Variants in CUBN observed in about 807,000 individuals in gnomAD.
The protein encoded by CUBN is cubilin.
Under a neutral mutation model 405.3 loss-of-function variants are expected in CUBN, and 282 were observed. The observed-to-expected ratio is 0.70, with a 90% CI of 0.63 to 0.77. CUBN has a LOEUF of 0.77. Ranked by LOEUF, CUBN falls within the 30% of genes least tolerant of loss-of-function variation. The pLI is 0.00. For missense variants in CUBN, 4,514 were observed against 4,475.2 expected (o/e 1.01, Z -0.25); for synonymous variants, 1,684 against 1,617.0 (o/e 1.04, Z -0.99).
intron 2 of CUBN, among the ~76,000 whole-genome samples, chr10:17,128,686 G>A (rs961183616): frequency 4.6e-5 from 7 of 152,060 alleles, no homozygotes; most frequent in African/African-American, 1.7e-4. Flanking sequence ...CCAGGCCATC[G>A]TCCTTTACAA....
intron 22 of CUBN, among the ~76,000 whole-genome samples, chr10:17,065,205 G>A (rs1027076632): frequency 6.9e-6 from 1 of 145,650 alleles, no homozygotes; most frequent in Admixed American, 7.0e-5. Flanking sequence ...AGAGTACTTT[G>A]GAGACATTAT....
chr10:16,902,349 T>C (rs1841422248), intron 51 of CUBN, among the ~76,000 whole-genome samples: 1 of 145,648 alleles, frequency 6.9e-6, no homozygotes, highest in African/African-American at 2.5e-5. Flanking sequence ...TTTTTTTGTG[T>C]ATGTATATTT....
intron 31 of CUBN, among the ~76,000 whole-genome samples, chr10:16,954,981 A>C (rs1007105147): frequency 6.6e-6 from 1 of 152,220 alleles, no homozygotes; most frequent in Non-Finnish European, 1.5e-5. Flanking sequence ...TTTGTTCTTC[A>C]TAAGTTTCGT....
intron 56 of CUBN, among the ~76,000 whole-genome samples, chr10:16,878,962 C>T (rs933489925): frequency 2.6e-5 from 4 of 152,168 alleles, no homozygotes; most frequent in African/African-American, 9.7e-5. Context: ...ATCTATTCAT[C>T]AGTTGACAGA....
intron 59 of CUBN, among the ~76,000 whole-genome samples, chr10:16,863,293 G>A (rs966005806): frequency 6.6e-6 from 1 of 152,104 alleles, no homozygotes; most frequent in Non-Finnish European, 1.5e-5. Context: ...AGCTTAGTTG[G>A]GTTTTTCTTT....
At chr10:16,983,237 C>T (rs1564461313) in intron 30 of CUBN, among the ~76,000 whole-genome samples, 1 of 152,042 alleles carries the variant, frequency 6.6e-6, no homozygotes, top group Non-Finnish European at 1.5e-5. Context: ...AATGGAGAAT[C>T]ATTCAGGGGT....
chr10:17,010,693 C>A (rs1489144539), intron 28 of CUBN, among the ~76,000 whole-genome samples: 1 of 152,090 alleles, frequency 6.6e-6, no homozygotes, highest in Non-Finnish European at 1.5e-5. Flanking sequence ...AGAGGAAGGT[C>A]CAGAACTTCT....
intron 25 of CUBN, among the ~76,000 whole-genome samples, chr10:17,044,612 A>T (rs1303566128): frequency 2.0e-5 from 3 of 152,180 alleles, no homozygotes; most frequent in Non-Finnish European, 4.4e-5. Context: ...CAAATGAACA[A>T]TGGTGAATTG....
At chr10:16,863,576 G>T (rs1163699554) in intron 59 of CUBN, among the ~76,000 whole-genome samples, 1 of 152,056 alleles carries the variant, frequency 6.6e-6, no homozygotes, top group African/African-American at 2.4e-5. Context: ...TATTTTTTAT[G>T]CCATTGAATT....
In CUBN at chr10:16,876,946, G is replaced by A; in HGVS notation, c.9057C>T (p.Ser3019=). Reference sequence around the variant, plus strand: ...ATCCGAAGTCTGTGATTTGCTCGTTGGAGTAGAAGTTAAGCAGAACCGGCC... The same window carrying A: ...ATCCGAAGTCTGTGATTTGCTCGTTAGAGTAGAAGTTAAGCAGAACCGGCC... ...IAGPVLLNFY[S]NEQITDFGFK... Residue 3019 remains serine, a synonymous_variant, in exon 57 of 67, where the codon TCC becomes TCT. Transcript: ENST00000377833. 2 of 1,614,184 alleles carry A rather than the reference G, an allele frequency of 1.2e-6. No homozygotes were observed. The highest frequency in any genetic ancestry group is 1.7e-6 in the Non-Finnish European group (2 of 1,180,030).
chr10:17,054,654 A>G (rs1588614404), intron 22 of CUBN, among the ~76,000 whole-genome samples: 1 of 152,176 alleles, frequency 6.6e-6, no homozygotes, highest in East Asian at 1.9e-4. Context: ...TAGAATCTTC[A>G]GACATTAAAA....
intron 48 of CUBN, among the ~76,000 whole-genome samples, chr10:16,911,729 TC>T (rs925042979): frequency 7.2e-5 from 11 of 152,200 alleles, no homozygotes; most frequent in African/African-American, 2.7e-4. Context: ...GAAAATAATT[TC>T]AAAGGTAAAA....
rs553279297 is a variant in CUBN at position 16,976,570 on chromosome 10, A to AT, written c.4695+5913dup. Among the ~76,000 whole-genome samples the AT allele has an allele frequency of 6.9e-3, 1,046 of 150,964 alleles. 7 individuals are homozygous for AT. Among genetic ancestry groups the AT allele is most frequent in the South Asian group, 0.013 (63 of 4,788 alleles). On this transcript the variant is annotated intron_variant, in intron 31 of 66. Transcript: ENST00000377833. ...TGCTGTTTGGGTTCCTTGAGATTCT[A>AT]TTTTTTTAATGATGACTTCCACCAG... is the stretch of plus-strand genomic sequence containing the variant.
intron 60 of CUBN, among the ~76,000 whole-genome samples, chr10:16,850,659 A>T (rs111959869): frequency 6.6e-6 from 1 of 151,970 alleles, no homozygotes; most frequent in African/African-American, 2.4e-5. Context: ...CTTTAGTAGA[A>T]ACAGGGTTTC....
intron 58 of CUBN, among the ~76,000 whole-genome samples, chr10:16,872,064 A>AATAT (rs61318193): frequency 0.018 from 2,668 of 150,144 alleles, 90 homozygotes; most frequent in African/African-American, 0.061. Flanking sequence ...ATCTCTACTA[A>AATAT]ATATATATAT....
At position 17,046,067 on chromosome 10, in the gene CUBN, C is replaced by A. The variant is rs1336925264; in HGVS notation, c.3357G>T (p.Leu1119Phe). ...IRDGGYEKSP[L>F]LGIFYGSNLP... ...GATTTGAGCCATAGAATATTCCCAG[C>A]AATGGTGATTTTTCATAGCCTCCAT... The change falls in exon 24 of 67, where the codon TTG becomes TTT. Residue 1119 changes from leucine (L) to phenylalanine (F), a missense_variant. Leu to Phe is a conservative substitution (Grantham distance 22). Around this residue, in one of 5 missense-constraint regions of CUBN, gnomAD observed 1,448 missense variants for 1,388.0 expected, o/e 1.04. Transcript: ENST00000377833. The A allele has an allele frequency of 1.2e-6, 2 of 1,613,596 alleles. No homozygotes were observed. Among genetic ancestry groups the A allele is most frequent in the Non-Finnish European group, 1.7e-6 (2 of 1,179,790 alleles).
chr10:17,040,422 T>C (rs904097197), intron 27 of CUBN, among the ~76,000 whole-genome samples: 2 of 152,102 alleles, frequency 1.3e-5, no homozygotes, highest in Admixed American at 6.6e-5. Flanking sequence ...CATATGCAAG[T>C]TATCAAAAAG....
At position 17,114,078 on chromosome 10, in the gene CUBN, C is replaced by T. The variant is rs1234587856; in HGVS notation, c.832G>A (p.Val278Met). ...GAGCCTTGAGTGTTGAAACACTGCA[C>T]AAGTGTGGAGCAAGGCCCGGGCTGG... ...SFQPGPCSTL[V>M]QCFNTQGSFY... The change falls in exon 8 of 67, where the codon GTG becomes ATG. Residue 278 changes from valine (V) to methionine (M), a missense_variant. By Grantham distance (21) the Val-to-Met change is conservative. This residue lies in a region of CUBN where 1,448 missense variants were observed against 1,388.0 expected (regional missense o/e 1.04). Coordinates refer to ENST00000377833, the MANE Select transcript of CUBN (RefSeq NM_001081.4). The T allele has an allele frequency of 6.2e-7, 1 of 1,613,092 alleles. No individual in the cohort carries two copies. Among genetic ancestry groups the T allele is most frequent in the Non-Finnish European group, 8.5e-7 (1 of 1,179,708 alleles).
intron 39 of CUBN, among the ~76,000 whole-genome samples, chr10:16,934,918 G>A (rs1043829559): frequency 1.3e-5 from 2 of 152,120 alleles, no homozygotes; most frequent in African/African-American, 2.4e-5. Flanking sequence ...CAGCACCTAA[G>A]AGTTTGAAAT....
Sources: gnomAD v4.1 joint callset for allele counts (sites outside exome capture counted in the v4.1 genomes callset) on GRCh38, gnomAD v4.1.1 for gene constraint, gnomAD v4.1.1 regional missense constraint, MANE v1.5 for transcripts, NCBI Gene and HGNC (gene_info 2026-07-23, HGNC 2026-07-21) for gene names.